Variants in SPATA17 observed in about 807,000 individuals in gnomAD.
The protein encoded by SPATA17 is spermatogenesis-associated protein 17.
A neutral mutation model predicts 62.2 loss-of-function variants in SPATA17; 53 were observed. The ratio of observed to expected loss-of-function variants is 0.85; its 90% CI spans 0.68 to 1.07. The LOEUF (loss-of-function observed/expected upper bound fraction) is 1.07. SPATA17 is among the 50% of genes least tolerant of loss of function. The pLI, the probability that SPATA17 is intolerant of heterozygous loss-of-function variation, is 0.00. For synonymous variants in SPATA17, 146 were observed against 146.8 expected (o/e 0.99, Z 0.04); for missense variants, 466 against 425.5 (o/e 1.10, Z -0.84).
intron 9 of SPATA17, among the ~76,000 whole-genome samples, chr1:217,858,848 T>C (rs1174207210): frequency 2.0e-5 from 3 of 151,996 alleles, no homozygotes; most frequent in African/African-American, 7.2e-5. Context: ...GCCAATATGG[T>C]GAAACCCCGT....
chr1:217,809,899 C>G (rs200755640), intron 9 of SPATA17, among the ~76,000 whole-genome samples: 4,969 of 99,388 alleles, frequency 0.05, 113 homozygotes, highest in Middle Eastern at 0.1. Context: ...AACTATTTAT[C>G]TAATTTCATA....
intron 8 of SPATA17, among the ~76,000 whole-genome samples, chr1:217,785,929 T>C (rs1037142750): frequency 1.3e-5 from 2 of 152,176 alleles, no homozygotes; most frequent in African/African-American, 2.4e-5. Context: ...AAGGAACTCA[T>C]TCAATTTTCT....
intron 1 of SPATA17, among the ~76,000 whole-genome samples, chr1:217,633,734 C>A (rs1669873376): frequency 6.6e-6 from 1 of 152,198 alleles, no homozygotes; most frequent in Admixed American, 6.5e-5. Context: ...AATTTAAAGT[C>A]TCCTTGGTTT....
intron 6 of SPATA17, among the ~76,000 whole-genome samples, chr1:217,771,514 G>T (rs1408170119): frequency 6.6e-6 from 1 of 152,056 alleles, no homozygotes; most frequent in Non-Finnish European, 1.5e-5. Flanking sequence ...TTTATTTAAA[G>T]AAATAATAAG....
intron 5 of SPATA17, among the ~76,000 whole-genome samples, chr1:217,704,046 T>G (rs1326730456): frequency 2.0e-5 from 3 of 151,478 alleles, no homozygotes; most frequent in African/African-American, 7.3e-5. Context: ...TAAACATTTT[T>G]TGTTGTTGTT....
intron 4 of SPATA17, among the ~76,000 whole-genome samples, chr1:217,675,388 A>ACTTC (rs1670923685): frequency 6.6e-6 from 1 of 152,168 alleles, no homozygotes; most frequent in African/African-American, 2.4e-5. Context: ...TGTCCACTTC[A>ACTTC]ACTTTGTTTT....
rs549636430 is a variant in SPATA17 at position 217,717,651 on chromosome 1, T to C, written c.396-24324T>C. 3.3e-5 allele frequency among the ~76,000 whole-genome samples: 5 copies of C among 152,250 alleles called. No homozygotes were observed. In the South Asian group the frequency reaches 6.2e-4, roughly 19 times the overall value. ...TAATTATGTAAATCCTATGTAATTT[T>C]TTTTTTTACAAATCCCATCTTCTCT... On this transcript the variant is annotated intron_variant, in intron 5 of 10. Transcript: ENST00000366933.
intron 5 of SPATA17, among the ~76,000 whole-genome samples, chr1:217,740,333 T>C (rs1381231131): frequency 1.3e-5 from 2 of 152,074 alleles, no homozygotes; most frequent in Non-Finnish European, 2.9e-5. Flanking sequence ...GTGGTAGTTC[T>C]CTGGTTAATT....
chr1:217,687,579 A>G (rs958449652), intron 5 of SPATA17, among the ~76,000 whole-genome samples: 8 of 152,188 alleles, frequency 5.3e-5, no homozygotes, highest in African/African-American at 1.7e-4. Flanking sequence ...TTGTATTACA[A>G]TTACATATAG....
intron 6 of SPATA17, among the ~76,000 whole-genome samples, chr1:217,743,286 T>C (rs1196921642): frequency 6.6e-6 from 1 of 152,104 alleles, no homozygotes; most frequent in Non-Finnish European, 1.5e-5. Flanking sequence ...CTTTTCATTA[T>C]AAAATCTATA....
At chr1:217,664,418 T>A (rs1201567069) in intron 3 of SPATA17, among the ~76,000 whole-genome samples, 1 of 150,684 alleles carries the variant, frequency 6.6e-6, no homozygotes, top group Non-Finnish European at 1.5e-5. Flanking sequence ...GCCTCCTGAG[T>A]AGCTGGGATT....
intron 1 of SPATA17, among the ~76,000 whole-genome samples, chr1:217,638,088 G>C (rs552623250): frequency 6.6e-6 from 1 of 152,018 alleles, no homozygotes; most frequent in African/African-American, 2.4e-5. Flanking sequence ...ACATATGATC[G>C]ACTCAGTGAA....
intron 9 of SPATA17, among the ~76,000 whole-genome samples, chr1:217,860,269 G>A (rs1399406996): frequency 6.6e-6 from 1 of 152,136 alleles, no homozygotes; most frequent in Admixed American, 6.6e-5. Flanking sequence ...AGCAGACGTT[G>A]TATGATTTCT....
chr1:217,848,841 T>C (rs1181153756), intron 9 of SPATA17, among the ~76,000 whole-genome samples: 18 of 152,162 alleles, frequency 1.2e-4, no homozygotes, highest in Non-Finnish European at 1.5e-4. Context: ...CTAATAGCTC[T>C]TCAACTTCTT....
chr1:217,736,499 A>G (rs4846430), intron 5 of SPATA17, among the ~76,000 whole-genome samples: 112,764 of 152,040 alleles, frequency 0.74, 42,624 homozygotes, highest in Non-Finnish European at 0.81. Flanking sequence ...AAAGAACAGT[A>G]AAAGGAGAAT....
At chr1:217,661,500 CT>C (rs1359107438) in intron 3 of SPATA17, among the ~76,000 whole-genome samples, 1 of 152,132 alleles carries the variant, frequency 6.6e-6, no homozygotes, top group Non-Finnish European at 1.5e-5. Context: ...GTCATGTGCT[CT>C]GCATTGCAGT....
At chr1:217,761,076 A>C (rs1054307025) in intron 6 of SPATA17, among the ~76,000 whole-genome samples, 2 of 151,948 alleles carry the variant, frequency 1.3e-5, no homozygotes, top group African/African-American at 4.8e-5. Flanking sequence ...CACTTCTACT[A>C]CTCTACTGAA....
chr1:217,737,919 G>C (rs1486800481), intron 5 of SPATA17: 7 of 152,200 alleles, frequency 4.6e-5, no homozygotes, highest in Non-Finnish European at 1.0e-4. Context: ...CCGCCTCCCA[G>C]GTTCAAGCGA....
intron 6 of SPATA17, 90 bp downstream of exon 6, chr1:217,742,188 T>C (rs1184178448): frequency 6.7e-6 from 10 of 1,487,602 alleles, no homozygotes; most frequent in Non-Finnish European, 9.2e-6. Flanking sequence ...GGACATGACT[T>C]GTTGAAAAGA....
Sources: allele counts gnomAD v4.1 joint callset (sites outside exome capture counted in the v4.1 genomes callset), GRCh38; gene constraint gnomAD v4.1.1; transcripts MANE v1.5; gene names NCBI Gene and HGNC (gene_info 2026-07-23, HGNC 2026-07-21).